The following COL24A1 variants were observed in gnomAD, a reference collection of about 807,000 sequenced individuals.
COL24A1 encodes collagen alpha-1(XXIV) chain.
In COL24A1, 224 loss-of-function variants were observed where a neutral mutation model predicts 253.9. That is an observed-to-expected ratio of 0.88 (90% CI 0.79 to 0.99). COL24A1 has a LOEUF of 0.99. Ranked by LOEUF, COL24A1 falls within the 50% of genes least tolerant of loss-of-function variation. The pLI is 0.00. For missense variants in COL24A1, 2,131 were observed against 2,068.5 expected (o/e 1.03, Z -0.59); for synonymous variants, 685 against 673.7 (o/e 1.02, Z -0.26).
chr1:85,897,059 TG>T (rs1683816141), intron 28 of COL24A1, among the ~76,000 whole-genome samples: 2 of 152,218 alleles, frequency 1.3e-5, no homozygotes, highest in African/African-American at 4.8e-5. Flanking sequence ...TAAAAGTGGC[TG>T]GATTTGTTTC....
chr1:86,092,251 A>G lies in COL24A1; in HGVS notation c.1653+16T>C, dbSNP rs1348923773. 2 of 1,568,936 alleles carry G rather than the reference A, an allele frequency of 1.3e-6. No individual in the cohort carries two copies. The highest frequency in any genetic ancestry group is 1.8e-4 in the Middle Eastern group (1 of 5,658). ...AAATATATTACCATAATTTCATTTC[A>G]TGGTCAAATAATTACCTTTTCTCCA... is the stretch of plus-strand genomic sequence containing the variant. On this transcript the variant is annotated intron_variant, in intron 6 of 59. Transcript: ENST00000370571.
chr1:85,846,114 G>C (rs1419603499), intron 39 of COL24A1, among the ~76,000 whole-genome samples: 2 of 151,718 alleles, frequency 1.3e-5, no homozygotes, highest in Non-Finnish European at 3.0e-5. Context: ...GGTAAGGGAA[G>C]CATTTCAGAA....
chr1:85,760,005 G>A (rs1666674551), intron 55 of COL24A1, among the ~76,000 whole-genome samples: 1 of 152,094 alleles, frequency 6.6e-6, no homozygotes, highest in South Asian at 2.1e-4. Flanking sequence ...GATCCAGGAG[G>A]AAAGGAAGAA....
At chr1:86,045,354 T>G (rs1275281188) in intron 12 of COL24A1, among the ~76,000 whole-genome samples, 4 of 152,172 alleles carry the variant, frequency 2.6e-5, no homozygotes, top group Admixed American at 2.6e-4. Flanking sequence ...AATTCGTGTA[T>G]TATGGCAGAT....
At chr1:85,837,810 C>A (rs1243342138) in intron 43 of COL24A1, among the ~76,000 whole-genome samples, 2 of 151,858 alleles carry the variant, frequency 1.3e-5, no homozygotes, top group African/African-American at 4.8e-5. Context: ...ATATTATAGG[C>A]AAATAGAGAA....
chr1:85,894,551 T>C (rs1683458872), intron 31 of COL24A1, among the ~76,000 whole-genome samples: 1 of 152,182 alleles, frequency 6.6e-6, no homozygotes, highest in African/African-American at 2.4e-5. Context: ...GTCTCATTTT[T>C]TTTTTAAATG....
At chr1:85,953,704 GAC>G (rs1690156948) in intron 24 of COL24A1, among the ~76,000 whole-genome samples, 1 of 152,132 alleles carries the variant, frequency 6.6e-6, no homozygotes. Context: ...AAAAACATGA[GAC>G]ACACATATTT....
chr1:85,883,926 A>G (rs1156975816), intron 32 of COL24A1: 2 of 152,204 alleles, frequency 1.3e-5, no homozygotes, highest in Non-Finnish European at 2.9e-5. Flanking sequence ...CACTGTTGCT[A>G]TTATTATTTT....
At chr1:85,907,057 T>C (rs949700990) in intron 28 of COL24A1, 137 bp downstream of exon 28, 10 of 599,594 alleles carry the variant, frequency 1.7e-5, no homozygotes, top group Non-Finnish European at 2.9e-5. Flanking sequence ...ATTCATCTAA[T>C]ATAATGAAAA....
intron 19 of COL24A1, among the ~76,000 whole-genome samples, chr1:86,013,341 A>G (rs1696708620): frequency 6.6e-6 from 1 of 152,234 alleles, no homozygotes; most frequent in Non-Finnish European, 1.5e-5. Context: ...GAATAGTGGA[A>G]ATGACACAAT....
chr1:86,125,223 T>C lies in COL24A1; in HGVS notation c.1113A>G (p.Leu371=), dbSNP rs1648070212. 6.2e-7 allele frequency: 1 copy of C among 1,613,614 alleles called. No individual in the cohort carries two copies. ...MNTKEKFSSL[L]NMSDNITQHD... is the part of the protein sequence containing the mutation. The stretch of plus-strand genomic sequence containing the variant: ...GTTGTGTGATATTGTCAGACATGTT[T>C]AGGAGAGAGCTAAATTTCTCTTTGG... Residue 371 remains leucine, a synonymous_variant, in exon 3 of 60, where the codon CTA becomes CTG. Coordinates refer to ENST00000370571, the MANE Select transcript of COL24A1 (RefSeq NM_152890.7).
At chr1:85,885,119 A>C (rs1682322529) in intron 32 of COL24A1, among the ~76,000 whole-genome samples, 1 of 152,192 alleles carries the variant, frequency 6.6e-6, no homozygotes, top group South Asian at 2.1e-4. Context: ...GTTGATTTTC[A>C]GTATGTCCAT....
intron 53 of COL24A1, among the ~76,000 whole-genome samples, chr1:85,761,776 C>A (rs1311340778): frequency 6.6e-6 from 1 of 152,006 alleles, no homozygotes; most frequent in Non-Finnish European, 1.5e-5. Context: ...TCCTGTTTAT[C>A]GATATTATTA....
intron 39 of COL24A1, among the ~76,000 whole-genome samples, chr1:85,844,544 T>C (rs1676962279): frequency 6.6e-6 from 1 of 151,890 alleles, no homozygotes; most frequent in Non-Finnish European, 1.5e-5. Context: ...TTTTAAAAAG[T>C]TGAGTGAAAA....
At chr1:85,903,954 G>A (rs1684563328) in intron 28 of COL24A1, among the ~76,000 whole-genome samples, 1 of 152,108 alleles carries the variant, frequency 6.6e-6, no homozygotes, top group Admixed American at 6.6e-5. Flanking sequence ...AAACCACAGA[G>A]GAGCTCTGCC....
chr1:85,896,571 T>G (rs1044671484), intron 28 of COL24A1, among the ~76,000 whole-genome samples, 162 bp from the exon 29 acceptor site: 2 of 151,986 alleles, frequency 1.3e-5, no homozygotes, highest in Non-Finnish European at 2.9e-5. Context: ...CTCGGCTCAC[T>G]GCAAGCTCCG....
intron 45 of COL24A1, among the ~76,000 whole-genome samples, chr1:85,819,807 G>C (rs1673421222): frequency 6.6e-6 from 1 of 151,430 alleles, no homozygotes; most frequent in African/African-American, 2.4e-5. Context: ...TCTGAAAAGA[G>C]CCCCTTGCCC....
chr1:85,879,751 G>T (rs932824792), intron 32 of COL24A1, among the ~76,000 whole-genome samples: 2 of 152,098 alleles, frequency 1.3e-5, no homozygotes, highest in African/African-American at 4.8e-5. Context: ...CATCCTCATT[G>T]TCTCCATGCT....
At chr1:85,966,618 A>G (rs1691593429) in intron 22 of COL24A1, among the ~76,000 whole-genome samples, 1 of 152,172 alleles carries the variant, frequency 6.6e-6, no homozygotes, top group Non-Finnish European at 1.5e-5. Flanking sequence ...GTGAGGAGGA[A>G]AATCATGGAA....
Sources: allele counts gnomAD v4.1 joint callset (sites outside exome capture counted in the v4.1 genomes callset), GRCh38; gene constraint gnomAD v4.1.1; transcripts MANE v1.5; gene names NCBI Gene and HGNC (gene_info 2026-07-23, HGNC 2026-07-21).